SH3RF2: variants seen among roughly 807,000 people sequenced by gnomAD.
SH3RF2 encodes SH3 domain containing ring finger 2.
Under a neutral mutation model 59.0 loss-of-function variants are expected in SH3RF2, and 43 were observed. The observed-to-expected ratio is 0.73, with a 90% CI of 0.57 to 0.94. SH3RF2 has a LOEUF of 0.94. Among genes scored for constraint, SH3RF2 ranks in the 40% least tolerant of loss-of-function variants. The pLI is 0.00. For synonymous variants in SH3RF2, 391 were observed against 391.5 expected, an observed-to-expected ratio of 1.00 and a Z score of 0.01; for missense variants, 930 against 940.1, an observed-to-expected ratio of 0.99 and a Z score of 0.14.
chr5:145,974,033 T>G (rs1412085914), intron 2 of SH3RF2, among the ~76,000 whole-genome samples: 2 of 152,116 alleles, frequency 1.3e-5, no homozygotes, highest in East Asian at 3.9e-4. Context: ...TTGGTCAGGG[T>G]AGGATTCTTA....
chr5:146,007,760 T>C (rs1021286178), intron 4 of SH3RF2, among the ~76,000 whole-genome samples: 1 of 152,214 alleles, frequency 6.6e-6, no homozygotes, highest in Non-Finnish European at 1.5e-5. Flanking sequence ...AACTAGCCAG[T>C]GCTTCATTTG....
At chr5:146,021,077 C>G (rs1316694338) in intron 5 of SH3RF2, among the ~76,000 whole-genome samples, 1 of 152,140 alleles carries the variant, frequency 6.6e-6, no homozygotes, top group African/African-American at 2.4e-5. Flanking sequence ...TCATCACTGT[C>G]TTTCATAGGA....
At chr5:146,048,307 C>T (rs563706098) in intron 6 of SH3RF2, among the ~76,000 whole-genome samples, 163 of 140,248 alleles carry the variant, frequency 1.2e-3, no homozygotes, top group African/African-American at 4.0e-3. Context: ...AGAGTGAGAC[C>T]CTGTCTCAAA....
intron 2 of SH3RF2, among the ~76,000 whole-genome samples, chr5:145,947,074 T>C (rs1580754053): frequency 6.6e-6 from 1 of 151,690 alleles, no homozygotes; most frequent in East Asian, 1.9e-4. Context: ...GTCACCACTA[T>C]CCATCTTCAG....
At chr5:146,054,943 C>G (rs772937807) in intron 7 of SH3RF2, among the ~76,000 whole-genome samples, 1 of 151,928 alleles carries the variant, frequency 6.6e-6, no homozygotes, top group Non-Finnish European at 1.5e-5. Flanking sequence ...ATGGACTGCT[C>G]AATAGGAAAT....
chr5:145,985,660 T>C (rs1483883447), intron 2 of SH3RF2, among the ~76,000 whole-genome samples: 4 of 152,198 alleles, frequency 2.6e-5, no homozygotes. Flanking sequence ...TCATCTCACC[T>C]GTCACCTCTA....
chr5:145,993,576 C>T (rs1760034347), intron 2 of SH3RF2, among the ~76,000 whole-genome samples: 1 of 152,250 alleles, frequency 6.6e-6, no homozygotes, highest in African/African-American at 2.4e-5. Flanking sequence ...AGGCTCAACA[C>T]CAAGTGGAAG....
chr5:145,961,692 C>A (rs1292231126), intron 2 of SH3RF2, among the ~76,000 whole-genome samples: 1 of 152,194 alleles, frequency 6.6e-6, no homozygotes, highest in Non-Finnish European at 1.5e-5. Context: ...TTGATCAGGG[C>A]AGATGTGAGC....
intron 2 of SH3RF2, among the ~76,000 whole-genome samples, chr5:145,963,203 C>T (rs890883024): frequency 2.0e-5 from 3 of 151,862 alleles, no homozygotes; most frequent in African/African-American, 7.3e-5. Flanking sequence ...AGCCTTATTC[C>T]ACTTTTTTTT....
At chr5:146,056,243 G>C (rs745710649) in intron 8 of SH3RF2, 30 bp downstream of exon 8, 1 of 1,613,782 alleles carries the variant, frequency 6.2e-7, no homozygotes, top group Admixed American at 1.7e-5. Flanking sequence ...TACGTGCCTA[G>C]AGCTAAGTGA....
At chr5:145,957,267 C>T (rs1400589533) in intron 2 of SH3RF2, among the ~76,000 whole-genome samples, 9 of 151,838 alleles carry the variant, frequency 5.9e-5, no homozygotes. Context: ...AACAAGCAAA[C>T]AAAAAAACAC....
chr5:146,030,342 TACTCAGGTGACAA>T (rs1212136525), intron 5 of SH3RF2, among the ~76,000 whole-genome samples: 13 of 152,182 alleles, frequency 8.5e-5, no homozygotes, highest in African/African-American at 3.1e-4. Context: ...CTGGAGCATA[TACTCAGGTGACAA>T]ACCCTAAACA....
chr5:145,961,174 CTTT>C (rs869156939), intron 2 of SH3RF2, among the ~76,000 whole-genome samples: 5 of 90,960 alleles, frequency 5.5e-5, no homozygotes, highest in South Asian at 7.9e-4. Flanking sequence ...CTGCATCCTC[CTTT>C]TTTTTTTTTT....
In SH3RF2 at chr5:146,006,630, AG is replaced by A. The variant is rs144565383; in HGVS notation, c.744+2478del. 8.1e-3 allele frequency among the ~76,000 whole-genome samples: 1,239 copies of A among 152,306 alleles called. 26 individuals are homozygous for A. Among genetic ancestry groups the A allele is most frequent in the African/African-American group, 0.028 (1,173 of 41,566 alleles). On this transcript the variant is annotated intron_variant, in intron 4 of 9. Coordinates refer to ENST00000359120, the MANE Select transcript of SH3RF2 (RefSeq NM_152550.4). Reference sequence around the variant, plus strand: ...AAAGGAAGTACCAGAGCTGGAGCTTAGAGAGTGAAAGAGGAACAAAAAATGA... The same window carrying A: ...AAAGGAAGTACCAGAGCTGGAGCTTAAGAGTGAAAGAGGAACAAAAAATGA...
intron 2 of SH3RF2, among the ~76,000 whole-genome samples, chr5:145,944,287 C>G (rs1250457906): frequency 6.6e-6 from 1 of 151,092 alleles, no homozygotes; most frequent in East Asian, 1.9e-4. Flanking sequence ...TGAAACTCTT[C>G]TGGTCCCAAG....
intron 2 of SH3RF2, among the ~76,000 whole-genome samples, chr5:145,987,542 T>C (rs1289548335): frequency 6.6e-6 from 1 of 152,198 alleles, no homozygotes; most frequent in African/African-American, 2.4e-5. Context: ...CTTCCCTACG[T>C]TGGGTTCCTT....
intron 2 of SH3RF2, among the ~76,000 whole-genome samples, chr5:145,963,982 G>A (rs1459398007): frequency 4.6e-5 from 7 of 151,608 alleles, no homozygotes; most frequent in Admixed American, 6.6e-5. Context: ...ACAGGCGCCC[G>A]CCACCGCGCC....
intron 4 of SH3RF2, among the ~76,000 whole-genome samples, chr5:146,004,893 A>G (rs1355621952): frequency 1.3e-5 from 2 of 152,118 alleles, no homozygotes; most frequent in Non-Finnish European, 2.9e-5. Flanking sequence ...CTGTACACTT[A>G]AAAGTGGTTC....
At chr5:146,008,460 C>T (rs1760737662) in intron 4 of SH3RF2, among the ~76,000 whole-genome samples, 1 of 152,078 alleles carries the variant, frequency 6.6e-6, no homozygotes, top group Non-Finnish European at 1.5e-5. Context: ...GTGTATATTG[C>T]CCTTTTACTG....
Sources: gnomAD v4.1 joint callset for allele counts (sites outside exome capture counted in the v4.1 genomes callset) on GRCh38, gnomAD v4.1.1 for gene constraint, MANE v1.5 for transcripts, NCBI Gene and HGNC (gene_info 2026-07-23, HGNC 2026-07-21) for gene names.